The following FCAR variants were observed in gnomAD, a reference collection of about 807,000 sequenced individuals.
The protein encoded by FCAR is Fc alpha receptor.
In FCAR, 21 loss-of-function variants were observed where a neutral mutation model predicts 27.1. That is an observed-to-expected ratio of 0.77 (90% CI 0.55 to 1.11). FCAR has a LOEUF of 1.11. Among genes scored for constraint, FCAR ranks in the 50% most tolerant of loss-of-function variants. The probability of loss-of-function intolerance (pLI) is 0.00; values close to 1 mark genes in which losing one functional copy is unlikely to be tolerated. For missense variants in FCAR, 404 were observed against 358.4 expected, an observed-to-expected ratio of 1.13 and a Z score of -1.03; for synonymous variants, 134 against 135.8, an observed-to-expected ratio of 0.99 and a Z score of 0.09.
rs762467655 is a variant in FCAR at position 54,888,018 on chromosome 19, A to AG, written c.373_374insG (p.Lys125ArgfsTer30). On this transcript the variant is annotated frameshift_variant, in exon 4 of 5. Coordinates refer to ENST00000355524, the MANE Select transcript of FCAR (RefSeq NM_002000.4). LOFTEE classifies it high-confidence loss of function. ...CTTTTCTCTCTTAGGCTTGTATGGC[A>AG]AACCCTTCCTCTCTGCAGATCGGGG... The AG allele has an allele frequency of 2.0e-5, 32 of 1,611,988 alleles. No individual in the cohort carries two copies. The Admixed American group carries it at 4.8e-4, about 24-fold the overall frequency.
Position 54,889,819 on chromosome 19 carries a change from C to T in FCAR, c.820C>T (p.Gln274Ter). 2 of 1,610,122 alleles carry T rather than the reference C, an allele frequency of 1.2e-6. No individual in the cohort carries two copies. Residue 274 changes from glutamine to a stop codon, truncating the protein, a stop_gained, in exon 5 of 5, where the codon CAG becomes TAG. Transcript: ENST00000355524. LOFTEE classifies it high-confidence loss of function. Reference sequence around the variant, plus strand: ...ACCGAGCTGGAGCCAACAGATGTGTCAGCCAGGATTGACCTTTGCACGAAC... The same window carrying T: ...ACCGAGCTGGAGCCAACAGATGTGTTAGCCAGGATTGACCTTTGCACGAAC... ...AEPSWSQQMCQPGLTFARTPS... is the reference protein window; with the variant it reads ...AEPSWSQQMC
intron 2 of FCAR, among the ~76,000 whole-genome samples, chr19:54,876,630 T>G (rs1432809196): frequency 6.6e-5 from 10 of 152,050 alleles, no homozygotes; most frequent in African/African-American, 2.4e-4. Flanking sequence ...TTAAGATTTG[T>G]GTATATTGGC....
chr19:54,878,165 C>G (rs1003117301), intron 2 of FCAR, among the ~76,000 whole-genome samples: 1 of 152,194 alleles, frequency 6.6e-6, no homozygotes, highest in African/African-American at 2.4e-5. Flanking sequence ...GATCCGCCAG[C>G]CTTGGCTTCC....
chr19:54,878,517 TA>T (rs1319288549), intron 2 of FCAR, among the ~76,000 whole-genome samples: 1 of 152,170 alleles, frequency 6.6e-6, no homozygotes, highest in African/African-American at 2.4e-5. Context: ...CATATATATT[TA>T]GGATAGTTAG....
In FCAR at chr19:54,885,285, T is replaced by G; in HGVS notation, c.121T>G (p.Leu41Val). The G allele has an allele frequency of 6.2e-7, 1 of 1,614,040 alleles. No individual in the cohort carries two copies. Among genetic ancestry groups the G allele is most frequent in the Non-Finnish European group, 8.5e-7 (1 of 1,179,952 alleles). The change falls in exon 3 of 5, where the codon TTG (leucine) becomes GTG (valine). Residue 41 changes from leucine to valine, a missense_variant. Coordinates refer to ENST00000355524, the MANE Select transcript of FCAR (RefSeq NM_002000.4). Reference sequence around the variant, plus strand: ...TGCCAAATCGAGTCCTGTGATTCCCTTGGATGGATCTGTGAAAATCCAGTG... The same window carrying G: ...TGCCAAATCGAGTCCTGTGATTCCCGTGGATGGATCTGTGAAAATCCAGTG... ...ISAKSSPVIP[L>V]DGSVKIQCQA...
At chr19:54,882,487 G>T (rs1310921281) in intron 2 of FCAR, among the ~76,000 whole-genome samples, 1 of 151,058 alleles carries the variant, frequency 6.6e-6, no homozygotes, top group African/African-American at 2.4e-5. Context: ...CCAGGCTGGA[G>T]TGCAGTGGCA....
At position 54,888,358 on chromosome 19, in the gene FCAR, G is replaced by A. The variant is rs765775809; in HGVS notation, c.649+64G>A. ...TGTCCAGGGCCTTGCCACCGGGCAGGAATATGAAGACGTGCACTGAGAGTG... is the reference window on the plus strand; with the variant it reads ...TGTCCAGGGCCTTGCCACCGGGCAGAAATATGAAGACGTGCACTGAGAGTG... On this transcript the variant is annotated intron_variant, in intron 4 of 4. Coordinates refer to ENST00000355524, the MANE Select transcript of FCAR (RefSeq NM_002000.4). The A allele has an allele frequency of 1.5e-5, 23 of 1,583,070 alleles. No homozygotes were observed. In the African/African-American group the frequency reaches 2.8e-4, roughly 19 times the overall value.
At chr19:54,880,053 T>A (rs1262805613) in intron 2 of FCAR, among the ~76,000 whole-genome samples, 1 of 142,674 alleles carries the variant, frequency 7.0e-6, no homozygotes, top group African/African-American at 2.7e-5. Context: ...GCTCTTCTTG[T>A]GTAGTATTTT....
At position 54,887,842 on chromosome 19, in the gene FCAR, G is replaced by A. The variant is rs187022336; in HGVS notation, c.362-165G>A. On this transcript the variant is annotated intron_variant, in intron 3 of 4. Coordinates refer to ENST00000355524, the MANE Select transcript of FCAR (RefSeq NM_002000.4). The stretch of plus-strand genomic sequence containing the variant: ...TGAGGCAGGAGAATTGCTTGAACCC[G>A]GGAGACGGAGGTTGCAGTGAGCTGA... Among the ~76,000 whole-genome samples the A allele has an allele frequency of 4.5e-4, 68 of 151,162 alleles. 1 individual carries two copies. The highest frequency in any genetic ancestry group is 2.9e-3 in the East Asian group (15 of 5,118).
At chr19:54,880,973 T>G (rs988081057) in intron 2 of FCAR, 1 of 152,248 alleles carries the variant, frequency 6.6e-6, no homozygotes, top group East Asian at 1.9e-4. Context: ...TGCGGGCTCC[T>G]CTCCCACCCA....
Position 54,889,798 on chromosome 19 carries a change from A to C in FCAR, c.799A>C (p.Ser267Arg), listed in dbSNP as rs1471571284. 4.3e-6 allele frequency: 7 copies of C among 1,612,860 alleles called. No homozygotes were observed. In the East Asian group the frequency reaches 1.6e-4, roughly 36 times the overall value. ...AGCCTCGGCAGATGTGGCTGAACCG[A>C]GCTGGAGCCAACAGATGTGTCAGCC... is the stretch of plus-strand genomic sequence containing the variant. ...KEASADVAEP[S>R]WSQQMCQPGL... The change falls in exon 5 of 5, where the codon AGC becomes CGC. Residue 267 changes from serine (S) to arginine (R), a missense_variant. Physicochemically the swap from Ser to Arg is moderately radical, Grantham distance 110. Transcript: ENST00000355524.
At chr19:54,880,558 G>C (rs587749111) in intron 2 of FCAR, among the ~76,000 whole-genome samples, 1 of 152,252 alleles carries the variant, frequency 6.6e-6, no homozygotes, top group East Asian at 1.9e-4. Flanking sequence ...TGTCATTTCA[G>C]CCAGGTAAAG....
At position 54,887,986 on chromosome 19, in the gene FCAR, G is replaced by A. The variant is rs141437192; in HGVS notation, c.362-21G>A. 26 of 1,574,810 alleles carry A rather than the reference G, an allele frequency of 1.7e-5. No individual in the cohort carries two copies. In the African/African-American group the frequency reaches 2.0e-4, roughly 12 times the overall value. Reference sequence around the variant, plus strand: ...TAAAGGAGAAAAGGTCTTTCTAATAGCTCACTCTTTTCTCTCTTAGGCTTG... The same window carrying A: ...TAAAGGAGAAAAGGTCTTTCTAATAACTCACTCTTTTCTCTCTTAGGCTTG... On this transcript the variant is annotated intron_variant, in intron 3 of 4. Coordinates refer to ENST00000355524, the MANE Select transcript of FCAR (RefSeq NM_002000.4).
chr19:54,883,330 G>T (rs1294783011), intron 2 of FCAR, among the ~76,000 whole-genome samples: 1 of 152,070 alleles, frequency 6.6e-6, no homozygotes, highest in East Asian at 1.9e-4. Flanking sequence ...GTGAGGAGGG[G>T]TGACTCCCTC....
chr19:54,887,770 A>G (rs1410300954), intron 3 of FCAR, among the ~76,000 whole-genome samples: 1 of 151,052 alleles, frequency 6.6e-6, no homozygotes, highest in African/African-American at 2.4e-5. Flanking sequence ...TACAAAAATT[A>G]GCTGGGCGTG....
At chr19:54,885,830 G>A (rs369959554) in intron 3 of FCAR, among the ~76,000 whole-genome samples, 22 of 152,310 alleles carry the variant, frequency 1.4e-4, no homozygotes, top group Admixed American at 5.9e-4. Context: ...TTCACATTGC[G>A]GCTGGGAGTG....
chr19:54,887,996 TTC>T lies in FCAR; in HGVS notation c.362-5_362-4del, dbSNP rs752287414. 80 of 1,589,168 alleles carry T rather than the reference TTC, an allele frequency of 5.0e-5. No individual in the cohort carries two copies. In the South Asian group the frequency reaches 8.2e-4, roughly 16 times the overall value. On this transcript the variant is annotated splice_polypyrimidine_tract_variant and intron_variant, in intron 3 of 4. Coordinates refer to ENST00000355524, the MANE Select transcript of FCAR (RefSeq NM_002000.4). ...AAGGTCTTTCTAATAGCTCACTCTTTTCTCTCTTAGGCTTGTATGGCAAACCC... is the reference window on the plus strand; with the variant it reads ...AAGGTCTTTCTAATAGCTCACTCTTTTCTCTTAGGCTTGTATGGCAAACCC...
chr19:54,875,438 T>G, intron 2 of FCAR, 73 bp downstream of exon 2: 1 of 1,175,752 alleles, frequency 8.5e-7, no homozygotes, highest in Non-Finnish European at 1.3e-6. Flanking sequence ...AATTGAAGAA[T>G]AGCCTGAAGC....
rs375614240 is a variant in FCAR, at chr19:54,889,803, G to A, written c.804G>A (p.Trp268Ter). 1.9e-6 allele frequency: 3 copies of A among 1,612,264 alleles called. No individual in the cohort carries two copies. Among genetic ancestry groups the A allele is most frequent in the Non-Finnish European group, 2.5e-6 (3 of 1,180,030 alleles). ...CGGCAGATGTGGCTGAACCGAGCTG[G>A]AGCCAACAGATGTGTCAGCCAGGAT... ...EASADVAEPS[W>*]SQQMCQPGLT... The change falls in exon 5 of 5, where the codon TGG (tryptophan) becomes TGA (stop). Residue 268 changes from tryptophan to a stop codon, truncating the protein, a stop_gained. Coordinates refer to ENST00000355524, the MANE Select transcript of FCAR (RefSeq NM_002000.4). LOFTEE classifies it high-confidence loss of function.
Sources: allele counts gnomAD v4.1 joint callset (sites outside exome capture counted in the v4.1 genomes callset), GRCh38; gene constraint gnomAD v4.1.1; transcripts MANE v1.5; gene names NCBI Gene and HGNC (gene_info 2026-07-23, HGNC 2026-07-21).